MBOAT2: variants seen among roughly 807,000 people sequenced by gnomAD.
The protein encoded by MBOAT2 is membrane-bound glycerophospholipid O-acyltransferase 2.
MBOAT2 carries 28 observed loss-of-function variants against 63.4 expected under a neutral mutation model. The ratio of observed to expected loss-of-function variants is 0.44; its 90% CI spans 0.33 to 0.61. The LOEUF is 0.61. Among genes scored for constraint, MBOAT2 ranks in the 20% least tolerant of loss-of-function variants. The pLI, the probability that MBOAT2 is intolerant of heterozygous loss-of-function variation, is 0.03. For synonymous variants in MBOAT2, 211 were observed against 215.6 expected, an observed-to-expected ratio of 0.98 and a Z score of 0.19; for missense variants, 470 against 605.8, an observed-to-expected ratio of 0.78 and a Z score of 2.35.
intron 3 of MBOAT2, among the ~76,000 whole-genome samples, chr2:8,917,208 A>G (rs1377017791): frequency 6.6e-6 from 1 of 152,220 alleles, no homozygotes; most frequent in Non-Finnish European, 1.5e-5. Flanking sequence ...AAGGGCAGGC[A>G]CAGGTTTCTT....
chr2:8,858,428 C>G lies in MBOAT2; in HGVS notation c.*251G>C, dbSNP rs1490401701. On this transcript the variant is annotated 3_prime_UTR_variant, in exon 13 of 13. Coordinates refer to ENST00000305997, the MANE Select transcript of MBOAT2 (RefSeq NM_138799.4). ...CAGGGCACGCGTGTGACCCTACGGA[C>G]AAGTGCTGAGGTTGGGAGTGCCCAC... 2.4e-6 allele frequency: 1 copy of G among 411,780 alleles called. No individual in the cohort carries two copies. Among genetic ancestry groups the G allele is most frequent in the Non-Finnish European group, 4.3e-6 (1 of 230,426 alleles). 25.5% of individuals were successfully genotyped at this position (411,780 alleles called of 1,614,324 possible). A position where few individuals can be genotyped will look rare whatever the true frequency, so the allele number is the denominator to read the frequency against.
At chr2:8,931,235 A>G (rs972685932) in intron 3 of MBOAT2, among the ~76,000 whole-genome samples, 3 of 152,280 alleles carry the variant, frequency 2.0e-5, no homozygotes, top group South Asian at 4.1e-4. Context: ...CTGGTGTGAG[A>G]TGGTATCTCA....
chr2:8,999,406 G>A (rs1672531592), intron 1 of MBOAT2, among the ~76,000 whole-genome samples: 1 of 152,220 alleles, frequency 6.6e-6, no homozygotes, highest in African/African-American at 2.4e-5. Flanking sequence ...AGGCTGGATA[G>A]CAACCTCAGT....
At position 8,952,738 on chromosome 2, in the gene MBOAT2, CT is replaced by C. The variant is rs1283665939; in HGVS notation, c.221+5758del. Among the ~76,000 whole-genome samples, 873 of 137,952 alleles carry C rather than the reference CT, an allele frequency of 6.3e-3. 3 individuals are homozygous for C. The highest frequency in any genetic ancestry group is 8.9e-3 in the African/African-American group (335 of 37,704). The allele number at this position is 137,952 out of a possible 152,430, so 90.5% of individuals were successfully genotyped here. On this transcript the variant is annotated intron_variant, in intron 2 of 12. Transcript: ENST00000305997. ...CATGTAGGTTTCATTATGTAACGCC[CT>C]TTTTTTTTTTTTTTTACTGTTGCCG...
At chr2:8,924,804 A>C (rs1334327819) in intron 3 of MBOAT2, among the ~76,000 whole-genome samples, 1 of 151,478 alleles carries the variant, frequency 6.6e-6, no homozygotes, top group African/African-American at 2.4e-5. Flanking sequence ...AAAATTTCAA[A>C]GTTAGCTAAA....
chr2:8,882,234 CAG>C (rs1201324747), intron 6 of MBOAT2, among the ~76,000 whole-genome samples: 1 of 152,222 alleles, frequency 6.6e-6, no homozygotes, highest in African/African-American at 2.4e-5. Context: ...TCAAGGAACT[CAG>C]AGTCTCATAG....
Position 8,873,097 on chromosome 2 carries a change from A to C in MBOAT2, c.883+11T>G, listed in dbSNP as rs1343508653. 1 of 1,610,558 alleles carries C rather than the reference A, an allele frequency of 6.2e-7. No individual in the cohort carries two copies. Among genetic ancestry groups the C allele is most frequent in the African/African-American group, 1.3e-5 (1 of 74,846 alleles). On this transcript the variant is annotated intron_variant, in intron 8 of 12. Coordinates refer to ENST00000305997, the MANE Select transcript of MBOAT2 (RefSeq NM_138799.4). ...ACCAGACACAGGGAAATCTATTTACATGTTACTTACCTAGCGTCCATGCAA... is the reference window on the plus strand; with the variant it reads ...ACCAGACACAGGGAAATCTATTTACCTGTTACTTACCTAGCGTCCATGCAA...
At chr2:8,876,669 G>C (rs895938631) in intron 7 of MBOAT2, among the ~76,000 whole-genome samples, 3 of 151,520 alleles carry the variant, frequency 2.0e-5, no homozygotes, top group African/African-American at 7.3e-5. Flanking sequence ...ACAAGGCATA[G>C]GTAAGAAAGA....
Position 8,862,322 on chromosome 2 carries a change from T to A in MBOAT2, c.1185+268A>T, listed in dbSNP as rs1232014862. 10 of 1,383,468 alleles carry A rather than the reference T, an allele frequency of 7.2e-6. No homozygotes were observed. Among genetic ancestry groups the A allele is most frequent in the Non-Finnish European group, 9.5e-6 (10 of 1,050,632 alleles). 85.7% of individuals were successfully genotyped at this position (1,383,468 alleles called of 1,614,324 possible). On this transcript the variant is annotated intron_variant, in intron 11 of 12. Transcript: ENST00000305997. This position sits in a 1 kb window ranked among gnomAD's most constrained non-coding sequence, Gnocchi z 4.3. Reference sequence around the variant, plus strand: ...AGTTTTTATCTCTCCTTCAGAAAATTCTGTAAAGACAAAGTAACATTTTGT... The same window carrying A: ...AGTTTTTATCTCTCCTTCAGAAAATACTGTAAAGACAAAGTAACATTTTGT...
intron 3 of MBOAT2, among the ~76,000 whole-genome samples, chr2:8,923,739 T>C (rs1666746183): frequency 6.6e-6 from 1 of 152,166 alleles, no homozygotes; most frequent in Non-Finnish European, 1.5e-5. Flanking sequence ...ATTCCCACTG[T>C]TTTTGATCTA....
chr2:8,925,211 C>T (rs1666851889), intron 3 of MBOAT2, among the ~76,000 whole-genome samples: 1 of 152,116 alleles, frequency 6.6e-6, no homozygotes, highest in African/African-American at 2.4e-5. Flanking sequence ...TAGAACCTAT[C>T]ACTGACTGTT....
intron 3 of MBOAT2, among the ~76,000 whole-genome samples, chr2:8,936,665 G>A (rs1400580608): frequency 2.0e-5 from 3 of 151,336 alleles, no homozygotes; most frequent in Non-Finnish European, 3.0e-5. Context: ...GCCTGTAATC[G>A]CAGCTACTTG....
At chr2:8,975,498 G>C (rs1230595930) in intron 1 of MBOAT2, among the ~76,000 whole-genome samples, 1 of 152,018 alleles carries the variant, frequency 6.6e-6, no homozygotes, top group Non-Finnish European at 1.5e-5. Context: ...AAGGAAAATG[G>C]GGATGAGCAC....
intron 4 of MBOAT2, among the ~76,000 whole-genome samples, chr2:8,903,904 C>A (rs1403041714): frequency 1.3e-5 from 2 of 152,146 alleles, no homozygotes; most frequent in Non-Finnish European, 1.5e-5. Context: ...TCTAATTTCC[C>A]TCAAGACTCC....
chr2:8,981,504 A>G (rs1292071694), intron 1 of MBOAT2, among the ~76,000 whole-genome samples: 1 of 152,204 alleles, frequency 6.6e-6, no homozygotes, highest in Admixed American at 6.5e-5. Context: ...CCCCAGGAAC[A>G]AAAGTCTTCC....
intron 3 of MBOAT2, among the ~76,000 whole-genome samples, chr2:8,921,536 A>G (rs1666567630): frequency 6.6e-6 from 1 of 152,158 alleles, no homozygotes; most frequent in East Asian, 1.9e-4. Context: ...CCATTTCTGG[A>G]GCTTCTCATT....
chr2:8,962,637 G>C (rs1413259404), intron 1 of MBOAT2, among the ~76,000 whole-genome samples: 2 of 151,986 alleles, frequency 1.3e-5, no homozygotes, highest in Non-Finnish European at 2.9e-5. Flanking sequence ...TTTGGAGATA[G>C]TTTATTACTG....
chr2:8,990,683 C>T (rs1346035953), intron 1 of MBOAT2, among the ~76,000 whole-genome samples: 2 of 152,114 alleles, frequency 1.3e-5, no homozygotes, highest in Admixed American at 6.6e-5. Flanking sequence ...TCCTTCAATT[C>T]ACATAAAAAT....
intron 9 of MBOAT2, among the ~76,000 whole-genome samples, chr2:8,868,075 A>C (rs1035539150): frequency 1.3e-5 from 2 of 152,038 alleles, no homozygotes; most frequent in African/African-American, 4.8e-5. Flanking sequence ...GTTGTCTCTT[A>C]CTTCTTTGGG....
Sources: gnomAD v4.1 joint callset for allele counts (sites outside exome capture counted in the v4.1 genomes callset) on GRCh38, gnomAD v4.1.1 for gene constraint, Gnocchi (gnomAD v3.1) non-coding constraint, MANE v1.5 for transcripts, NCBI Gene and HGNC (gene_info 2026-07-23, HGNC 2026-07-21) for gene names.